The following RRAGC variants were observed in gnomAD, a reference collection of about 807,000 sequenced individuals.
The protein encoded by RRAGC is Ras related GTP binding C.
Under a neutral mutation model 37.1 loss-of-function variants are expected in RRAGC, and 8 were observed. The observed-to-expected ratio is 0.22, with a 90% CI of 0.13 to 0.39. RRAGC has a LOEUF of 0.39. RRAGC is among the 10% of genes least tolerant of loss of function. RRAGC has a pLI of 1.00. For synonymous variants in RRAGC, 190 were observed against 181.1 expected (o/e 1.05, Z -0.39); for missense variants, 342 against 497.6 (o/e 0.69, Z 2.98).
intron 6 of RRAGC, 68 bp downstream of exon 6, chr1:38,845,871 G>C (rs1642021411): frequency 1.5e-6 from 2 of 1,348,156 alleles, no homozygotes; most frequent in Non-Finnish European, 2.0e-6. Flanking sequence ...ATTTTCACTT[G>C]TTTTCAAGAA....
Position 38,838,764 on chromosome 1 carries a change from C to A in RRAGC, c.*789G>T, listed in dbSNP as rs1420228549. 1 of 152,236 alleles carries A rather than the reference C, an allele frequency of 6.6e-6. No homozygotes were observed. The highest frequency in any genetic ancestry group is 1.5e-5 in the Non-Finnish European group (1 of 68,048). The allele number at this position is 152,236 out of a possible 1,614,324, so 9.4% of individuals were successfully genotyped here. The stretch of plus-strand genomic sequence containing the variant: ...AAGTAAGCTAAACATTTCAGTGACA[C>A]AATGAGTTTCTCCCCTAGAAGGGGA... On this transcript the variant is annotated 3_prime_UTR_variant, in exon 7 of 7. Transcript: ENST00000373001.
intron 1 of RRAGC, among the ~76,000 whole-genome samples, chr1:38,857,646 G>A (rs914306055): frequency 1.3e-5 from 2 of 152,208 alleles, no homozygotes; most frequent in African/African-American, 4.8e-5. Context: ...GAAAAGAAAC[G>A]TAAAGGCAAT....
chr1:38,844,100 C>T (rs1369432542), intron 6 of RRAGC, among the ~76,000 whole-genome samples: 2 of 152,024 alleles, frequency 1.3e-5, no homozygotes, highest in African/African-American at 4.8e-5. Context: ...TCTGCAAGGG[C>T]CCCTTCAGCA....
At chr1:38,854,667 A>T (rs1386382957) in intron 3 of RRAGC, among the ~76,000 whole-genome samples, 2 of 152,238 alleles carry the variant, frequency 1.3e-5, no homozygotes, top group African/African-American at 2.4e-5. Context: ...TTTTTTTAAC[A>T]TGAATTATTT....
intron 5 of RRAGC, among the ~76,000 whole-genome samples, chr1:38,848,821 CA>C (rs771496368): frequency 3.3e-5 from 5 of 151,608 alleles, no homozygotes; most frequent in East Asian, 1.9e-4. Context: ...CCTGTCTCTA[CA>C]AAAAAGTAAA....
intron 6 of RRAGC, among the ~76,000 whole-genome samples, chr1:38,841,791 C>T (rs1469714770): frequency 6.6e-6 from 1 of 152,162 alleles, no homozygotes; most frequent in Admixed American, 6.5e-5. Context: ...CAAGACCACC[C>T]TGAGCAACAC....
chr1:38,840,360 T>C (rs887461177), intron 6 of RRAGC, among the ~76,000 whole-genome samples: 5 of 152,210 alleles, frequency 3.3e-5, no homozygotes, highest in Admixed American at 2.0e-4. Context: ...GATCTTTCAA[T>C]AGTTTATATT....
At position 38,859,494 on chromosome 1, in the gene RRAGC, G is replaced by T; in HGVS notation, c.153C>A (p.Gly51=). ...AGCTGTCAGCGCCCCCCGGACCACA[G>T]CCACCGCCTGCCCCTGCCCCAACCC... ...GGGVGAGAGG[G]CGPGGADSSK... Residue 51 remains glycine, a synonymous_variant, in exon 1 of 7, where the codon GGC becomes GGA. Transcript: ENST00000373001. 1 of 1,547,826 alleles carries T rather than the reference G, an allele frequency of 6.5e-7. No individual in the cohort carries two copies. The highest frequency in any genetic ancestry group is 1.2e-5 in the South Asian group (1 of 83,966).
intron 6 of RRAGC, among the ~76,000 whole-genome samples, chr1:38,841,481 A>T (rs1641962530): frequency 6.6e-6 from 1 of 151,862 alleles, no homozygotes; most frequent in Non-Finnish European, 1.5e-5. Flanking sequence ...ATCCCGCCTC[A>T]GCCTCCTGAG....
At chr1:38,852,834 AAG>A (rs1431815999) in intron 3 of RRAGC, 1 of 156,722 alleles carries the variant, frequency 6.4e-6, no homozygotes, top group African/African-American at 2.4e-5. Flanking sequence ...AGAAAACTAG[AAG>A]AGTTATGTGA....
At chr1:38,846,333 G>A in intron 5 of RRAGC, 1 of 381,146 alleles carries the variant, frequency 2.6e-6, no homozygotes, top group Non-Finnish European at 4.6e-6. Context: ...GGAGAAAAAG[G>A]TGCAAACATA....
chr1:38,859,187 C>A (rs1925679), intron 1 of RRAGC, among the ~76,000 whole-genome samples: 1 of 152,152 alleles, frequency 6.6e-6, no homozygotes, highest in African/African-American at 2.4e-5. Flanking sequence ...CTCCCGGCAA[C>A]CAGTTTCGCC....
Position 38,859,677 on chromosome 1 carries a change from A to T in RRAGC, c.-31T>A. ...TGGAGCCGCCGCCGCCCGCGCCCTG[A>T]CAGGCCAGGCCAGGCCGAGCCAGGC... On this transcript the variant is annotated 5_prime_UTR_variant, in exon 1 of 7. Coordinates refer to ENST00000373001, the MANE Select transcript of RRAGC (RefSeq NM_022157.4). 6.6e-7 allele frequency: 1 copy of T among 1,519,384 alleles called. No individual in the cohort carries two copies. The highest frequency in any genetic ancestry group is 8.8e-7 in the Non-Finnish European group (1 of 1,133,630). The allele number at this position is 1,519,384 out of a possible 1,614,324, so 94.1% of individuals were successfully genotyped here. A position where few individuals can be genotyped will look rare whatever the true frequency, so the allele number is the denominator to read the frequency against.
intron 1 of RRAGC, 86 bp downstream of exon 1, chr1:38,859,324 C>A (rs1436878300): frequency 2.4e-6 from 3 of 1,273,074 alleles, no homozygotes; most frequent in African/African-American, 3.0e-5. Flanking sequence ...GCAGGCGGGC[C>A]CCGGCCGCCG....
intron 6 of RRAGC, among the ~76,000 whole-genome samples, chr1:38,841,159 T>C (rs1450778229): frequency 2.0e-5 from 3 of 152,178 alleles, no homozygotes; most frequent in Non-Finnish European, 4.4e-5. Flanking sequence ...ATTAAAAAGC[T>C]TTTATTATAC....
At chr1:38,839,817 C>T in intron 6 of RRAGC, 113 bp from the exon 7 acceptor site, 1 of 1,038,998 alleles carries the variant, frequency 9.6e-7, no homozygotes. Context: ...ATTCTTAAGC[C>T]TCCAAACTAG....
chr1:38,857,624 T>C (rs989938065), intron 1 of RRAGC, among the ~76,000 whole-genome samples: 2 of 152,196 alleles, frequency 1.3e-5, no homozygotes, highest in East Asian at 3.9e-4. Context: ...AGGGAAAAGA[T>C]AGCTCTCATG....
intron 1 of RRAGC, among the ~76,000 whole-genome samples, chr1:38,857,555 G>A (rs547711465): frequency 1.3e-5 from 2 of 152,286 alleles, no homozygotes; most frequent in East Asian, 1.9e-4. Context: ...GTCTAAGAAG[G>A]GCAGTAACTA....
At position 38,859,504 on chromosome 1, in the gene RRAGC, G is replaced by A. The variant is rs752595087; in HGVS notation, c.143C>T (p.Ala48Val). 7.1e-6 allele frequency: 11 copies of A among 1,547,454 alleles called. 1 individual carries two copies. In the South Asian group the frequency reaches 1.2e-4, roughly 17 times the overall value. Residue 48 changes from alanine to valine, a missense_variant, in exon 1 of 7, where the codon GCA becomes GTA. Physicochemically the swap from Ala to Val is moderately conservative, Grantham distance 64 (BLOSUM62 0). This residue lies in a region of RRAGC where 104 missense variants were observed against 93.4 expected (regional missense o/e 1.11). Coordinates refer to ENST00000373001, the MANE Select transcript of RRAGC (RefSeq NM_022157.4). ...AAAGGGVGAG[A>V]GGGCGPGGAD... ...GCCCCCCGGACCACAGCCACCGCCTGCCCCTGCCCCAACCCCTCCGCCCGC... is the reference window on the plus strand; with the variant it reads ...GCCCCCCGGACCACAGCCACCGCCTACCCCTGCCCCAACCCCTCCGCCCGC...
Sources: gnomAD v4.1 joint callset for allele counts (sites outside exome capture counted in the v4.1 genomes callset) on GRCh38, gnomAD v4.1.1 for gene constraint, gnomAD v4.1.1 regional missense constraint, MANE v1.5 for transcripts, NCBI Gene and HGNC (gene_info 2026-07-23, HGNC 2026-07-21) for gene names.